Variants in GPC5 observed in about 807,000 individuals in gnomAD.
GPC5 encodes the protein glypican-5.
In GPC5, 47 loss-of-function variants were observed where a neutral mutation model predicts 53.9. The ratio of observed to expected loss-of-function variants is 0.87; its 90% CI spans 0.69 to 1.11. GPC5 has a LOEUF of 1.11. Among genes scored for constraint, GPC5 ranks in the 50% most tolerant of loss-of-function variants. The probability of loss-of-function intolerance (pLI) is 0.00; values close to 1 mark genes in which losing one functional copy is unlikely to be tolerated. For synonymous variants in GPC5, 286 were observed against 263.3 expected, an observed-to-expected ratio of 1.09 and a Z score of -0.84; for missense variants, 748 against 713.1, an observed-to-expected ratio of 1.05 and a Z score of -0.56.
chr13:92,778,451 A>G (rs1251284004), intron 7 of GPC5, among the ~76,000 whole-genome samples: 2 of 152,178 alleles, frequency 1.3e-5, no homozygotes, highest in African/African-American at 4.8e-5. Flanking sequence ...TCTTGTCTTT[A>G]TTAAGAGTAA....
chr13:92,006,739 A>G lies in GPC5; in HGVS notation c.1401+98682A>G, dbSNP rs548517017. On this transcript the variant is annotated intron_variant, in intron 6 of 7. Transcript: ENST00000377067. Reference sequence around the variant, plus strand: ...TATTTCAGATTATGAAAATGAAGAGAGAGAGACACACACACATTCATAAAC... The same window carrying G: ...TATTTCAGATTATGAAAATGAAGAGGGAGAGACACACACACATTCATAAAC... 7.7e-4 allele frequency among the ~76,000 whole-genome samples: 117 copies of G among 152,228 alleles called. 1 individual carries two copies. The South Asian group carries it at 0.015, about 19-fold the overall frequency.
chr13:91,945,517 A>G (rs904203685), intron 6 of GPC5, among the ~76,000 whole-genome samples: 2 of 152,078 alleles, frequency 1.3e-5, no homozygotes, highest in African/African-American at 4.8e-5. Flanking sequence ...ATTCCTTTTT[A>G]TCTTTATTCT....
intron 6 of GPC5, among the ~76,000 whole-genome samples, chr13:92,094,105 A>G (rs970781792): frequency 7.9e-5 from 12 of 152,204 alleles, no homozygotes; most frequent in African/African-American, 2.7e-4. Flanking sequence ...TTAATGATCA[A>G]TTATTACGCC....
chr13:91,407,775 A>G (rs1351743412), intron 1 of GPC5, among the ~76,000 whole-genome samples: 1 of 152,180 alleles, frequency 6.6e-6, no homozygotes, highest in Non-Finnish European at 1.5e-5. Context: ...AACCAGAGGG[A>G]CCACAGTTTT....
At chr13:92,101,940 T>A (rs2041470597) in intron 6 of GPC5, among the ~76,000 whole-genome samples, 1 of 152,216 alleles carries the variant, frequency 6.6e-6, no homozygotes. Context: ...ATGTGAGTGC[T>A]CTGGATACTG....
chr13:91,424,922 A>C (rs375310466), intron 1 of GPC5, among the ~76,000 whole-genome samples: 1 of 152,234 alleles, frequency 6.6e-6, no homozygotes, highest in South Asian at 2.1e-4. Flanking sequence ...GAACCAATAC[A>C]GAATTAATTT....
At chr13:91,650,405 AT>A (rs143070146) in intron 2 of GPC5, among the ~76,000 whole-genome samples, 1 of 151,860 alleles carries the variant, frequency 6.6e-6, no homozygotes, top group African/African-American at 2.4e-5. Context: ...TGTAGTATAT[AT>A]TTTTTTCACA....
chr13:92,174,170 C>T lies in GPC5; in HGVS notation c.1561+29181C>T, dbSNP rs1035497747. Among the ~76,000 whole-genome samples the T allele has an allele frequency of 3.3e-5, 5 of 151,416 alleles. No individual in the cohort carries two copies. The South Asian group carries it at 6.2e-4, about 19-fold the overall frequency. On this transcript the variant is annotated intron_variant, in intron 7 of 7. Transcript: ENST00000377067. ...GGCTTGCTGATAAAAGTCATCTTTA[C>T]GTCATTAAAAAAATATGTGTCTATG...
intron 2 of GPC5, among the ~76,000 whole-genome samples, chr13:91,562,760 A>G (rs1376727369): frequency 6.6e-6 from 1 of 151,976 alleles, no homozygotes; most frequent in East Asian, 1.9e-4. Context: ...TTCTTAAGGA[A>G]ATAAGATTAC....
chr13:91,785,753 C>G (rs1403682735), intron 5 of GPC5, among the ~76,000 whole-genome samples: 1 of 152,216 alleles, frequency 6.6e-6, no homozygotes, highest in Non-Finnish European at 1.5e-5. Context: ...CCACATTCCA[C>G]ATTAATCCAC....
chr13:91,699,992 TTTA>T (rs1434237352), intron 3 of GPC5, among the ~76,000 whole-genome samples: 1 of 152,166 alleles, frequency 6.6e-6, no homozygotes, highest in Non-Finnish European at 1.5e-5. Context: ...AAAGGGTAAT[TTTA>T]TTGTGCATGG....
chr13:91,674,569 G>A (rs551293584), intron 2 of GPC5, among the ~76,000 whole-genome samples: 1 of 144,726 alleles, frequency 6.9e-6, no homozygotes, highest in East Asian at 2.1e-4. Flanking sequence ...GTATATATAC[G>A]CATATATATG....
intron 7 of GPC5, among the ~76,000 whole-genome samples, chr13:92,495,577 A>G (rs1285265943): frequency 6.6e-6 from 1 of 151,850 alleles, no homozygotes; most frequent in East Asian, 1.9e-4. Flanking sequence ...AAACTCCATA[A>G]CCCAGAAAAA....
chr13:91,431,971 C>T (rs1382891667), intron 1 of GPC5, among the ~76,000 whole-genome samples: 2 of 152,120 alleles, frequency 1.3e-5, no homozygotes, highest in East Asian at 1.9e-4. Context: ...TTTCATGTGC[C>T]AGATGGTTCA....
chr13:91,435,925 T>C (rs1594086939), intron 1 of GPC5, among the ~76,000 whole-genome samples: 1 of 152,204 alleles, frequency 6.6e-6, no homozygotes. Flanking sequence ...GGAGGGTGTA[T>C]GTGTCGAGGA....
intron 7 of GPC5, among the ~76,000 whole-genome samples, chr13:92,797,113 T>A (rs1371275534): frequency 6.6e-6 from 1 of 151,928 alleles, no homozygotes; most frequent in Non-Finnish European, 1.5e-5. Context: ...AGACCTTGAT[T>A]CATTACTTTT....
intron 7 of GPC5, among the ~76,000 whole-genome samples, chr13:92,219,698 TCACC>T (rs1308847399): frequency 6.6e-6 from 1 of 152,178 alleles, no homozygotes; most frequent in African/African-American, 2.4e-5. Context: ...TTCTGATTGG[TCACC>T]TTCCACAACC....
At chr13:91,598,464 T>C (rs371642465) in intron 2 of GPC5, among the ~76,000 whole-genome samples, 28 of 151,478 alleles carry the variant, frequency 1.8e-4, no homozygotes, top group East Asian at 1.7e-3. Flanking sequence ...TATCTAAAAA[T>C]GAAAAAAAGA....
intron 5 of GPC5, among the ~76,000 whole-genome samples, chr13:91,842,574 C>T (rs1305644986): frequency 6.7e-6 from 1 of 150,046 alleles, no homozygotes; most frequent in African/African-American, 2.5e-5. Flanking sequence ...TGTTGGCGGG[C>T]GCCTGTAGTC....
Sources: allele counts gnomAD v4.1 joint callset (sites outside exome capture counted in the v4.1 genomes callset), GRCh38; gene constraint gnomAD v4.1.1; transcripts MANE v1.5; gene names NCBI Gene and HGNC (gene_info 2026-07-23, HGNC 2026-07-21).